Variants in CNTNAP2 observed in about 807,000 individuals in gnomAD.
CNTNAP2 encodes contactin associated protein 2.
Under a neutral mutation model 155.2 loss-of-function variants are expected in CNTNAP2, and 98 were observed. The ratio of observed to expected loss-of-function variants is 0.63; its 90% CI spans 0.54 to 0.75. The LOEUF (loss-of-function observed/expected upper bound fraction) is 0.75. Among genes scored for constraint, CNTNAP2 ranks in the 30% least tolerant of loss-of-function variants. The probability of loss-of-function intolerance (pLI) is 0.00; values close to 1 mark genes in which losing one functional copy is unlikely to be tolerated. For synonymous variants in CNTNAP2, 651 were observed against 631.2 expected, an observed-to-expected ratio of 1.03 and a Z score of -0.47; for missense variants, 1,727 against 1,688.1, an observed-to-expected ratio of 1.02 and a Z score of -0.40.
At chr7:147,178,653 T>C (rs549644395) in intron 8 of CNTNAP2, among the ~76,000 whole-genome samples, 1 of 152,156 alleles carries the variant, frequency 6.6e-6, no homozygotes, top group Admixed American at 6.5e-5. Context: ...CTACCCTGAT[T>C]TTCTCATTAG....
At chr7:147,938,067 T>C (rs569905577) in intron 14 of CNTNAP2, among the ~76,000 whole-genome samples, 110 of 152,334 alleles carry the variant, frequency 7.2e-4, no homozygotes, top group African/African-American at 2.5e-3. Flanking sequence ...ATTCATCTTA[T>C]AGCTTTAAAT....
At chr7:146,428,671 T>G (rs937528564) in intron 1 of CNTNAP2, among the ~76,000 whole-genome samples, 1 of 152,086 alleles carries the variant, frequency 6.6e-6, no homozygotes, top group Non-Finnish European at 1.5e-5. Flanking sequence ...ATGGATAGAT[T>G]GCAAAAATCT....
At chr7:148,137,622 A>T (rs1200673758) in intron 16 of CNTNAP2, among the ~76,000 whole-genome samples, 1 of 151,592 alleles carries the variant, frequency 6.6e-6, no homozygotes, top group Non-Finnish European at 1.5e-5. Flanking sequence ...AGATCACACC[A>T]TTGCACTCCA....
chr7:146,502,017 G>A (rs540444443), intron 1 of CNTNAP2, among the ~76,000 whole-genome samples: 2 of 151,524 alleles, frequency 1.3e-5, no homozygotes, highest in East Asian at 1.9e-4. Flanking sequence ...CTATCCTTCC[G>A]AGCCTCTGAT....
intron 1 of CNTNAP2, among the ~76,000 whole-genome samples, chr7:146,479,548 A>G (rs1022111211): frequency 6.6e-6 from 1 of 152,164 alleles, no homozygotes; most frequent in Non-Finnish European, 1.5e-5. Flanking sequence ...TATGCTAAAA[A>G]GCATAAAAAG....
rs1432873500 is a variant in CNTNAP2 at position 146,416,787 on chromosome 7, T to A, written c.97+299814T>A. On this transcript the variant is annotated intron_variant, in intron 1 of 23. Transcript: ENST00000361727. ...CATTTCAAGTATCATCTACTTTAAG[T>A]TCTGATCACATTTCATTTACCACTT... is the stretch of plus-strand genomic sequence containing the variant. Among the ~76,000 whole-genome samples, 6 of 152,268 alleles carry A rather than the reference T, an allele frequency of 3.9e-5. No individual in the cohort carries two copies. The East Asian group carries it at 1.2e-3, about 29-fold the overall frequency.
intron 1 of CNTNAP2, among the ~76,000 whole-genome samples, chr7:146,601,113 T>G (rs1476483698): frequency 1.3e-5 from 2 of 152,108 alleles, no homozygotes; most frequent in African/African-American, 4.8e-5. Context: ...ATATCTTAAT[T>G]TTAGAAGCAG....
intron 10 of CNTNAP2, among the ~76,000 whole-genome samples, chr7:147,412,683 A>T (rs967251793): frequency 1.3e-5 from 2 of 152,226 alleles, no homozygotes; most frequent in Non-Finnish European, 1.5e-5. Context: ...CTATGAAATT[A>T]TAAAGAAGGA....
At chr7:147,575,967 T>C (rs535722613) in intron 12 of CNTNAP2, among the ~76,000 whole-genome samples, 17 of 152,164 alleles carry the variant, frequency 1.1e-4, no homozygotes, top group African/African-American at 3.9e-4. Context: ...AAAAGGCTGT[T>C]TACACAAAGA....
chr7:146,671,975 C>A (rs1321209693), intron 1 of CNTNAP2, among the ~76,000 whole-genome samples: 1 of 151,916 alleles, frequency 6.6e-6, no homozygotes, highest in African/African-American at 2.4e-5. Context: ...GCCACTGCAC[C>A]CAAATAATTT....
intron 13 of CNTNAP2, among the ~76,000 whole-genome samples, chr7:147,658,760 C>T (rs1299498365): frequency 6.6e-6 from 1 of 152,188 alleles, no homozygotes; most frequent in Non-Finnish European, 1.5e-5. Context: ...TGGCTATGCA[C>T]AAACTTGATC....
chr7:147,671,326 A>C, intron 13 of CNTNAP2, among the ~76,000 whole-genome samples: 1 of 152,218 alleles, frequency 6.6e-6, no homozygotes, highest in Admixed American at 6.5e-5. Flanking sequence ...AAGTGCACTG[A>C]CAATAACAAA....
At chr7:146,222,948 C>T (rs138291463) in intron 1 of CNTNAP2, among the ~76,000 whole-genome samples, 4,078 of 152,054 alleles carry the variant, frequency 0.027, 87 homozygotes, top group Non-Finnish European at 0.042. Context: ...CATGAGCCAC[C>T]GCACCTGGCC....
chr7:147,208,158 A>G (rs940201892), intron 8 of CNTNAP2, among the ~76,000 whole-genome samples: 1 of 151,768 alleles, frequency 6.6e-6, no homozygotes, highest in Non-Finnish European at 1.5e-5. Flanking sequence ...GAATGGAGTT[A>G]TTTACTCTAG....
intron 15 of CNTNAP2, among the ~76,000 whole-genome samples, chr7:147,999,827 T>C (rs1801867197): frequency 6.6e-6 from 1 of 152,166 alleles, no homozygotes; most frequent in South Asian, 2.1e-4. Flanking sequence ...CCAAGGAACA[T>C]GAAGGATTGC....
chr7:147,867,966 T>A (rs984623860), intron 13 of CNTNAP2, among the ~76,000 whole-genome samples: 1 of 152,182 alleles, frequency 6.6e-6, no homozygotes, highest in Admixed American at 6.5e-5. Flanking sequence ...GTCAATGTCA[T>A]TCTCTGTCCA....
At chr7:146,161,790 C>T (rs537060379) in intron 1 of CNTNAP2, among the ~76,000 whole-genome samples, 8 of 152,324 alleles carry the variant, frequency 5.3e-5, no homozygotes, top group Non-Finnish European at 1.0e-4. Context: ...ACCAAAACAG[C>T]ATGGTACTGG....
intron 1 of CNTNAP2, among the ~76,000 whole-genome samples, chr7:146,601,128 C>T (rs1489894123): frequency 6.6e-6 from 1 of 152,028 alleles, no homozygotes; most frequent in Non-Finnish European, 1.5e-5. Flanking sequence ...AAGCAGATTG[C>T]ATTATGATAA....
intron 1 of CNTNAP2, among the ~76,000 whole-genome samples, chr7:146,539,170 T>C (rs2129140731): frequency 6.6e-6 from 1 of 152,228 alleles, no homozygotes; most frequent in East Asian, 1.9e-4. Context: ...CACAGAATGA[T>C]TATCAACGTA....
Sources: gnomAD v4.1 joint callset for allele counts (sites outside exome capture counted in the v4.1 genomes callset) on GRCh38, gnomAD v4.1.1 for gene constraint, MANE v1.5 for transcripts, NCBI Gene and HGNC (gene_info 2026-07-23, HGNC 2026-07-21) for gene names.